Variants in HIVEP3 observed in about 807,000 individuals in gnomAD.
The protein encoded by HIVEP3 is HIVEP zinc finger 3.
In HIVEP3, 49 loss-of-function variants were observed where a neutral mutation model predicts 152.8. The ratio of observed to expected loss-of-function variants is 0.32; its 90% CI spans 0.26 to 0.41. HIVEP3 has a LOEUF of 0.41. HIVEP3 is among the 10% of genes least tolerant of loss of function. The pLI, the probability that HIVEP3 is intolerant of heterozygous loss-of-function variation, is 1.00. For synonymous variants in HIVEP3, 1,269 were observed against 1,289.0 expected, an observed-to-expected ratio of 0.98 and a Z score of 0.33; for missense variants, 2,790 against 3,103.3, an observed-to-expected ratio of 0.90 and a Z score of 2.40.
chr1:41,561,730 G>C (rs1309015577), intron 5 of HIVEP3, among the ~76,000 whole-genome samples: 1 of 9,588 alleles, frequency 1.0e-4, no homozygotes, highest in African/African-American at 2.6e-4. Context: ...GCCCAGGCTG[G>C]TCTCAAACTC....
chr1:41,670,826 G>A (rs1227193242), intron 2 of HIVEP3, among the ~76,000 whole-genome samples: 10 of 152,188 alleles, frequency 6.6e-5, no homozygotes, highest in Middle Eastern at 3.2e-3. Flanking sequence ...AAGGCCCTGC[G>A]TCGGGCATAT....
intron 1 of HIVEP3, among the ~76,000 whole-genome samples, chr1:41,803,704 C>T (rs1650435446): frequency 6.6e-6 from 1 of 152,226 alleles, no homozygotes; most frequent in African/African-American, 2.4e-5. Context: ...AACAGTGTTC[C>T]TTGCCTGGTA....
intron 1 of HIVEP3, among the ~76,000 whole-genome samples, chr1:41,941,974 G>T (rs1645048320): frequency 6.6e-6 from 1 of 151,988 alleles, no homozygotes; most frequent in Admixed American, 6.6e-5. Flanking sequence ...CAGGAGATCT[G>T]TCACCTCTAA....
At chr1:42,001,729 C>A (rs238676) in intron 1 of HIVEP3, among the ~76,000 whole-genome samples, 8,908 of 152,214 alleles carry the variant, frequency 0.059, 901 homozygotes, top group African/African-American at 0.2. Context: ...GCCCTGGTAT[C>A]TAGATGGTAT....
intron 5 of HIVEP3, among the ~76,000 whole-genome samples, chr1:41,527,124 TCA>T (rs1174648051): frequency 4.3e-5 from 4 of 93,050 alleles, no homozygotes; most frequent in Admixed American, 1.1e-4. Flanking sequence ...ACCCTCTTCC[TCA>T]CACACACCCT....
chr1:41,682,489 C>T (rs1361605211), intron 2 of HIVEP3, among the ~76,000 whole-genome samples: 1 of 152,194 alleles, frequency 6.6e-6, no homozygotes. Flanking sequence ...AGGGAGGACC[C>T]CGCCGAATAC....
chr1:41,916,609 G>C (rs1200804999), intron 1 of HIVEP3, among the ~76,000 whole-genome samples: 1 of 152,112 alleles, frequency 6.6e-6, no homozygotes, highest in Non-Finnish European at 1.5e-5. Context: ...ATCTTTAAAT[G>C]CAACTATGTA....
chr1:41,568,318 G>A (rs1004052197), intron 5 of HIVEP3, among the ~76,000 whole-genome samples: 1 of 152,244 alleles, frequency 6.6e-6, no homozygotes, highest in African/African-American at 2.4e-5. Context: ...AGAGTCTCTG[G>A]AAAAAGAGCT....
intron 5 of HIVEP3, among the ~76,000 whole-genome samples, chr1:41,545,248 ATACCACTACCACCAC>A (rs1643726299): frequency 4.2e-5 from 1 of 23,806 alleles, no homozygotes; most frequent in African/African-American, 1.8e-4. Context: ...ACCACCACCA[ATACCACTACCACCAC>A]TACCACCACC....
intron 2 of HIVEP3, among the ~76,000 whole-genome samples, chr1:41,654,706 T>G (rs2124026417): frequency 6.6e-6 from 1 of 152,356 alleles, no homozygotes; most frequent in Middle Eastern, 3.4e-3. Context: ...TATTAAGTTG[T>G]CATGCCTCCT....
chr1:41,865,515 G>A (rs138771912), intron 1 of HIVEP3: 2,493 of 152,382 alleles, frequency 0.016, 39 homozygotes, highest in Non-Finnish European at 0.021. Context: ...CACACTCTTG[G>A]GTCCTGGCAT....
Position 41,811,767 on chromosome 1 carries a change from T to A in HIVEP3, c.-801+106646A>T, listed in dbSNP as rs77155400. 2.0e-4 allele frequency among the ~76,000 whole-genome samples: 30 copies of A among 152,104 alleles called. 1 individual carries two copies. The East Asian group carries it at 5.6e-3, about 29-fold the overall frequency. ...TTGGAGGCATAAAGTCAGGAAAAGG[T>A]TGAGTCCTTTTTATAATAAATTCCT... is the stretch of plus-strand genomic sequence containing the variant. On this transcript the variant is annotated intron_variant, in intron 1 of 8. Coordinates refer to ENST00000372583, the MANE Select transcript of HIVEP3 (RefSeq NM_024503.5).
intron 1 of HIVEP3, among the ~76,000 whole-genome samples, chr1:41,785,857 A>G (rs190317661): frequency 6.6e-6 from 1 of 152,182 alleles, no homozygotes; most frequent in African/African-American, 2.4e-5. Flanking sequence ...TTAGCTGGGC[A>G]TGGTGGCAGG....
chr1:41,640,538 G>A (rs1456118796), intron 2 of HIVEP3, among the ~76,000 whole-genome samples: 4 of 152,176 alleles, frequency 2.6e-5, no homozygotes, highest in Non-Finnish European at 4.4e-5. Context: ...AGGGTGCAAA[G>A]GTGAAGAAGA....
At chr1:41,528,009 ACCCCGCCCT>A (rs1643058932) in intron 5 of HIVEP3, among the ~76,000 whole-genome samples, 1 of 104,946 alleles carries the variant, frequency 9.5e-6, no homozygotes, top group Non-Finnish European at 1.9e-5. Flanking sequence ...CACACTCCAC[ACCCCGCCCT>A]CACACTCACC....
chr1:41,843,788 G>A (rs930336771), intron 1 of HIVEP3, among the ~76,000 whole-genome samples: 1 of 151,968 alleles, frequency 6.6e-6, no homozygotes, highest in South Asian at 2.1e-4. Context: ...TAAGTTTTAG[G>A]GTACATGTGC....
chr1:41,761,038 A>G (rs1165920025), intron 1 of HIVEP3, among the ~76,000 whole-genome samples: 1 of 152,230 alleles, frequency 6.6e-6, no homozygotes, highest in East Asian at 1.9e-4. Context: ...ATTGCCAGAC[A>G]TGGAGGCACT....
rs201203286 is a variant in HIVEP3 at position 41,583,908 on chromosome 1, T to C, written c.890A>G (p.Glu297Gly). 6.2e-7 allele frequency: 1 copy of C among 1,613,948 alleles called. No homozygotes were observed. The highest frequency in any genetic ancestry group is 1.1e-5 in the South Asian group (1 of 91,084). ...ETSATSGHPA[E>G]LSPRPKQPLL... ...GGGCTGCTTGGGTCTTGGGGAGAGC[T>C]CTGCAGGGTGACCAGAGGTGGCACT... is the stretch of plus-strand genomic sequence containing the variant. Residue 297 changes from glutamate to glycine, a missense_variant, in exon 4 of 9, where the codon GAG becomes GGG. Around this residue, in one of 9 missense-constraint regions of HIVEP3, gnomAD observed 125 missense variants for 130.1 expected, o/e 0.96. Transcript: ENST00000372583. This position sits in a 1 kb window ranked among gnomAD's most constrained non-coding sequence, Gnocchi z 6.9.
chr1:41,788,656 T>C (rs1331972485), intron 1 of HIVEP3, among the ~76,000 whole-genome samples: 3 of 152,260 alleles, frequency 2.0e-5, no homozygotes, highest in East Asian at 3.8e-4. Flanking sequence ...ATCAGTGCCC[T>C]GGCCTGTGGA....
Sources: gnomAD v4.1 joint callset for allele counts (sites outside exome capture counted in the v4.1 genomes callset) on GRCh38, gnomAD v4.1.1 for gene constraint, gnomAD v4.1.1 regional missense constraint, Gnocchi (gnomAD v3.1) non-coding constraint, MANE v1.5 for transcripts, NCBI Gene and HGNC (gene_info 2026-07-23, HGNC 2026-07-21) for gene names.